Variants in TRIM23 observed in about 807,000 individuals in gnomAD.
TRIM23 encodes tripartite motif containing 23.
TRIM23 carries 27 observed loss-of-function variants against 71.0 expected under a neutral mutation model. That is an observed-to-expected ratio of 0.38 (90% CI 0.28 to 0.52). TRIM23 has a LOEUF of 0.52. Among genes scored for constraint, TRIM23 ranks in the 20% least tolerant of loss-of-function variants. TRIM23 has a pLI of 0.84. For synonymous variants in TRIM23, 234 were observed against 238.0 expected (o/e 0.98, Z 0.16); for missense variants, 482 against 692.3 (o/e 0.70, Z 3.41).
At position 65,591,331 on chromosome 5, in the gene TRIM23, A is replaced by G; in HGVS notation, c.*438T>C. ...ATTTCTACTACTAAATGCTGCCAAC[A>G]TTCAGTGAAAAGGCAGGTTAAAAGA... On this transcript the variant is annotated 3_prime_UTR_variant, in exon 11 of 11. Transcript: ENST00000231524. 1 of 1,437,602 alleles carries G rather than the reference A, an allele frequency of 7.0e-7. No individual in the cohort carries two copies. Among genetic ancestry groups the G allele is most frequent in the Middle Eastern group, 2.1e-4 (1 of 4,724 alleles). The allele number at this position is 1,437,602 out of a possible 1,614,324, so 89.1% of individuals were successfully genotyped here. A position where few individuals can be genotyped will look rare whatever the true frequency, so the allele number is the denominator to read the frequency against.
chr5:65,614,222 A>C lies in TRIM23; in HGVS notation c.245-3T>G, dbSNP rs755602371. 2.5e-6 allele frequency: 4 copies of C among 1,612,166 alleles called. No homozygotes were observed. Among genetic ancestry groups the C allele is most frequent in the Non-Finnish European group, 3.4e-6 (4 of 1,178,674 alleles). On this transcript the variant is annotated splice_region_variant and splice_polypyrimidine_tract_variant and intron_variant, in intron 2 of 10. Coordinates refer to ENST00000231524, the MANE Select transcript of TRIM23 (RefSeq NM_001656.4). ...CAATCCCCAGACACCTGAATCACCTAGAATAAATATAAAAACAAAAACTAA... is the reference window on the plus strand; with the variant it reads ...CAATCCCCAGACACCTGAATCACCTCGAATAAATATAAAAACAAAAACTAA...
In TRIM23 at chr5:65,618,176, G is replaced by C. The variant is rs1042480810; in HGVS notation, c.161C>G (p.Thr54Ser). ...GCGAGTGAGACAGTCATGACAGACG[G>C]TATGGCCACAAAGCAAAAGACGGGG... The part of the protein sequence containing the change: ...KVPRLLLCGH[T>S]VCHDCLTRLP... The change falls in exon 2 of 11, where the codon ACC (threonine) becomes AGC (serine). Residue 54 changes from threonine to serine, a missense_variant. By Grantham distance (58) the Thr-to-Ser change is moderately conservative. Coordinates refer to ENST00000231524, the MANE Select transcript of TRIM23 (RefSeq NM_001656.4). 2 of 1,613,968 alleles carry C rather than the reference G, an allele frequency of 1.2e-6. No individual in the cohort carries two copies. The highest frequency in any genetic ancestry group is 1.7e-5 in the Admixed American group (1 of 60,000).
chr5:65,622,203 T>C (rs939759332), intron 1 of TRIM23, among the ~76,000 whole-genome samples: 6 of 152,206 alleles, frequency 3.9e-5, no homozygotes, highest in African/African-American at 1.2e-4. Flanking sequence ...TCTCACTCTG[T>C]CACCCAGGCT....
At chr5:65,621,156 T>A (rs987476145) in intron 1 of TRIM23, among the ~76,000 whole-genome samples, 2 of 152,070 alleles carry the variant, frequency 1.3e-5, no homozygotes, top group Admixed American at 6.6e-5. Flanking sequence ...ATTGAGACCA[T>A]CCTGGCTAAC....
Position 65,590,506 on chromosome 5 carries a change from T to G in TRIM23, c.*1263A>C, listed in dbSNP as rs1753989283. 8.5e-7 allele frequency: 1 copy of G among 1,177,800 alleles called. No homozygotes were observed. The highest frequency in any genetic ancestry group is 3.8e-5 in the East Asian group (1 of 26,584). 73.0% of individuals were successfully genotyped at this position (1,177,800 alleles called of 1,614,324 possible). A position where few individuals can be genotyped will look rare whatever the true frequency, so the allele number is the denominator to read the frequency against. On this transcript the variant is annotated 3_prime_UTR_variant, in exon 11 of 11. Coordinates refer to ENST00000231524, the MANE Select transcript of TRIM23 (RefSeq NM_001656.4). Reference sequence around the variant, plus strand: ...ACTGTCCTTACAACAATTCAACTAATAAGATTTAAGATTTAACTTCATCCT... The same window carrying G: ...ACTGTCCTTACAACAATTCAACTAAGAAGATTTAAGATTTAACTTCATCCT...
intron 2 of TRIM23, 83 bp from the exon 3 acceptor site, chr5:65,614,302 A>C: frequency 1.5e-6 from 2 of 1,354,134 alleles, no homozygotes; most frequent in Admixed American, 1.9e-5. Context: ...GTAATTTCTA[A>C]TATAGTTCAG....
intron 3 of TRIM23, 114 bp from the exon 4 acceptor site, chr5:65,611,995 A>T: frequency 7.1e-6 from 7 of 992,786 alleles, no homozygotes; most frequent in Non-Finnish European, 8.7e-6. Context: ...TTTACATATG[A>T]AAATATATTG....
chr5:65,597,318 G>C, intron 7 of TRIM23, 138 bp from the exon 8 acceptor site: 2 of 960,572 alleles, frequency 2.1e-6, no homozygotes, highest in Non-Finnish European at 3.0e-6. Flanking sequence ...TACTGAGTCT[G>C]ATCTCAAGAA....
intron 1 of TRIM23, among the ~76,000 whole-genome samples, chr5:65,621,425 A>C (rs1053629722): frequency 2.0e-5 from 3 of 152,194 alleles, no homozygotes; most frequent in African/African-American, 7.2e-5. Flanking sequence ...ACTCTAATAA[A>C]GTAAATTTAT....
chr5:65,590,664 A>AT lies in TRIM23; in HGVS notation c.*1104dup, dbSNP rs35090537. The AT allele has an allele frequency of 1.0e-6, 1 of 984,348 alleles. No individual in the cohort carries two copies. The highest frequency in any genetic ancestry group is 1.2e-6 in the Non-Finnish European group (1 of 827,016). The allele number at this position is 984,348 out of a possible 1,614,324, so 61.0% of individuals were successfully genotyped here. ...TTTTATTTACTCACAACACTGAATA[A>AT]TTAATGTAAACTTTTTGAATTTTTT... On this transcript the variant is annotated 3_prime_UTR_variant, in exon 11 of 11. Transcript: ENST00000231524.
At position 65,618,148 on chromosome 5, in the gene TRIM23, T is replaced by C. The variant is rs368232755; in HGVS notation, c.189A>G (p.Leu63=). ...AACGGATTGCTCTTCCATGAAGAGG[T>C]AGGCGAGTGAGACAGTCATGACAGA... ...HTVCHDCLTR[L]PLHGRAIRCP... is the part of the protein sequence containing the mutation. The change falls in exon 2 of 11, where the codon CTA becomes CTG. Residue 63 remains leucine, a synonymous_variant. Transcript: ENST00000231524. 1.4e-5 allele frequency: 23 copies of C among 1,613,974 alleles called. No individual in the cohort carries two copies. In the Admixed American group the frequency reaches 2.2e-4, roughly 15 times the overall value.
Position 65,609,343 on chromosome 5 carries a change from C to T in TRIM23, c.944G>A (p.Arg315His). ...CTGCCTGAGCCAAATCAATTTTTCA[C>T]GAACATGAGCATCAACAACACTTAG... ...MALSVVDAHV[R>H]EKLIWLRQQQ... Residue 315 changes from arginine (R) to histidine (H), a missense_variant, in exon 6 of 11, where the codon CGT (arginine) becomes CAT (histidine). Physicochemically the swap from Arg to His is conservative, Grantham distance 29 (BLOSUM62 0). Coordinates refer to ENST00000231524, the MANE Select transcript of TRIM23 (RefSeq NM_001656.4). 3 of 1,614,084 alleles carry T rather than the reference C, an allele frequency of 1.9e-6. No homozygotes were observed. Among genetic ancestry groups the T allele is most frequent in the Non-Finnish European group, 2.5e-6 (3 of 1,180,006 alleles).
chr5:65,618,176 G>A lies in TRIM23; in HGVS notation c.161C>T (p.Thr54Ile). ...GCGAGTGAGACAGTCATGACAGACG[G>A]TATGGCCACAAAGCAAAAGACGGGG... ...KVPRLLLCGHTVCHDCLTRLP... is the reference protein window; with the variant it reads ...KVPRLLLCGHIVCHDCLTRLP... The change falls in exon 2 of 11, where the codon ACC (threonine) becomes ATC (isoleucine). Residue 54 changes from threonine (T) to isoleucine (I), a missense_variant. Physicochemically the swap from Thr to Ile is moderately conservative, Grantham distance 89. This residue lies in a region of TRIM23 where 175 missense variants were observed against 196.5 expected (regional missense o/e 0.89). Transcript: ENST00000231524. 1 of 1,614,086 alleles carries A rather than the reference G, an allele frequency of 6.2e-7. No individual in the cohort carries two copies. Among genetic ancestry groups the A allele is most frequent in the Non-Finnish European group, 8.5e-7 (1 of 1,179,980 alleles).
intron 5 of TRIM23, among the ~76,000 whole-genome samples, chr5:65,609,892 G>T (rs2150634411): frequency 6.6e-6 from 1 of 152,218 alleles, no homozygotes; most frequent in African/African-American, 2.4e-5. Context: ...CTCTGTCTTG[G>T]TAAATGGCAA....
intron 1 of TRIM23, among the ~76,000 whole-genome samples, chr5:65,620,094 A>C (rs900713572): frequency 6.6e-6 from 1 of 152,184 alleles, no homozygotes; most frequent in Admixed American, 6.5e-5. Context: ...CAAAAAAATA[A>C]AGAAAGAAAA....
At position 65,618,139 on chromosome 5, in the gene TRIM23, A is replaced by G. The variant is rs760427535; in HGVS notation, c.198T>C (p.His66=). 5.0e-6 allele frequency: 8 copies of G among 1,614,046 alleles called. No individual in the cohort carries two copies. The highest frequency in any genetic ancestry group is 6.8e-6 in the Non-Finnish European group (8 of 1,179,958). ...CHDCLTRLPL[H]GRAIRCPFDR... is the part of the protein sequence containing the mutation. ...CAAATGGGCAACGGATTGCTCTTCC[A>G]TGAAGAGGTAGGCGAGTGAGACAGT... Residue 66 remains histidine, a synonymous_variant, in exon 2 of 11, where the codon CAT becomes CAC. Coordinates refer to ENST00000231524, the MANE Select transcript of TRIM23 (RefSeq NM_001656.4).
intron 3 of TRIM23, chr5:65,613,727 A>G: frequency 8.4e-7 from 1 of 1,191,220 alleles, no homozygotes; most frequent in African/African-American, 1.6e-5. Flanking sequence ...GGCCTCTTAC[A>G]TCGAGTTTTT....
chr5:65,591,888 A>G lies in TRIM23; in HGVS notation c.1606T>C (p.Cys536Arg), dbSNP rs1184410706. The G allele has an allele frequency of 2.5e-6, 4 of 1,613,852 alleles. No homozygotes were observed. The highest frequency in any genetic ancestry group is 2.2e-5 in the South Asian group (2 of 91,078). Reference protein sequence around the residue: ...ITELLSLHKLCCGRSWYIQGC... With the variant: ...ITELLSLHKLRCGRSWYIQGC... ...TGAATATACCAGCTACGGCCACAGC[A>G]TAATTTATGGAGACTGAGTAGTTCA... Residue 536 changes from cysteine (C) to arginine (R), a missense_variant, in exon 11 of 11, where the codon TGC becomes CGC. Coordinates refer to ENST00000231524, the MANE Select transcript of TRIM23 (RefSeq NM_001656.4).
At chr5:65,595,475 G>A (rs1014965652) in intron 9 of TRIM23, among the ~76,000 whole-genome samples, 4 of 150,726 alleles carry the variant, frequency 2.7e-5, no homozygotes, top group Non-Finnish European at 4.4e-5. Flanking sequence ...GGAGAATGGC[G>A]TGAACCTGGG....
Sources: allele counts gnomAD v4.1 joint callset (sites outside exome capture counted in the v4.1 genomes callset), GRCh38; gene constraint gnomAD v4.1.1; regional missense constraint gnomAD v4.1.1; transcripts MANE v1.5; gene names NCBI Gene and HGNC (gene_info 2026-07-23, HGNC 2026-07-21).